Variants in PPP1R16B observed in about 807,000 individuals in gnomAD.
PPP1R16B encodes the protein protein phosphatase 1 regulatory inhibitor subunit 16B.
Under a neutral mutation model 61.7 loss-of-function variants are expected in PPP1R16B, and 14 were observed. The ratio of observed to expected loss-of-function variants is 0.23; its 90% CI spans 0.15 to 0.35. The LOEUF is 0.35. Among genes scored for constraint, PPP1R16B ranks in the 10% least tolerant of loss-of-function variants. PPP1R16B has a pLI of 1.00. For missense variants in PPP1R16B, 547 were observed against 752.5 expected (o/e 0.73, Z 3.19); for synonymous variants, 266 against 305.3 (o/e 0.87, Z 1.34).
rs1181903301 is a variant in PPP1R16B at position 38,888,876 on chromosome 20, AACACACACACACACACACAC to A, written c.251-686_251-667del. Among the ~76,000 whole-genome samples, 97 of 112,300 alleles carry A rather than the reference AACACACACACACACACACAC, an allele frequency of 8.6e-4. 1 individual carries two copies. Among genetic ancestry groups the A allele is most frequent in the African/African-American group, 2.7e-3 (75 of 28,062 alleles). The allele number at this position is 112,300 out of a possible 152,430, so 73.7% of individuals were successfully genotyped here. The stretch of plus-strand genomic sequence containing the variant: ...CCTCCCTGCCCACCCAGAATCCCTG[AACACACACACACACACACAC>A]ACACACACACACACACACACACACA... On this transcript the variant is annotated intron_variant, in intron 2 of 10. Transcript: ENST00000299824.
chr20:38,863,473 C>G (rs1338995543), intron 2 of PPP1R16B, among the ~76,000 whole-genome samples: 1 of 152,236 alleles, frequency 6.6e-6, no homozygotes, highest in Non-Finnish European at 1.5e-5. Context: ...GTGTCTGTCT[C>G]CCCGTAGCCT....
At chr20:38,910,086 C>A (rs901288318) in intron 10 of PPP1R16B, among the ~76,000 whole-genome samples, 1 of 152,056 alleles carries the variant, frequency 6.6e-6, no homozygotes, top group Non-Finnish European at 1.5e-5. Context: ...TCAAGCGATT[C>A]TCTTGCCTCA....
At chr20:38,885,896 C>T (rs1249355343) in intron 2 of PPP1R16B, among the ~76,000 whole-genome samples, 1 of 152,230 alleles carries the variant, frequency 6.6e-6, no homozygotes, top group Non-Finnish European at 1.5e-5. Flanking sequence ...CTGCCTCAGC[C>T]TCCTGAGTAG....
rs369519337 is a variant in PPP1R16B, at chr20:38,911,561, G to T, written c.1194+3368G>T. On this transcript the variant is annotated intron_variant, in intron 10 of 10. Coordinates refer to ENST00000299824, the MANE Select transcript of PPP1R16B (RefSeq NM_015568.4). ...TTTTTTTTTTTTTTAAATTGAGACAGAGTCTCGCTTTGTCACCCAAGCTAG... is the reference window on the plus strand; with the variant it reads ...TTTTTTTTTTTTTTAAATTGAGACATAGTCTCGCTTTGTCACCCAAGCTAG... Among the ~76,000 whole-genome samples, 12 of 147,684 alleles carry T rather than the reference G, an allele frequency of 8.1e-5. 1 individual carries two copies. The Admixed American group carries it at 8.2e-4, about 10-fold the overall frequency.
intron 2 of PPP1R16B, among the ~76,000 whole-genome samples, chr20:38,886,572 C>G (rs2085246615): frequency 6.6e-6 from 1 of 152,214 alleles, no homozygotes; most frequent in South Asian, 2.1e-4. Context: ...GCTCAGGGCA[C>G]CCCCACTCAC....
intron 2 of PPP1R16B, among the ~76,000 whole-genome samples, chr20:38,855,930 A>ATATATG (rs2085002685): frequency 1.6e-5 from 1 of 64,232 alleles, no homozygotes; most frequent in Non-Finnish European, 2.8e-5. Context: ...ATATATATAT[A>ATATATG]TATATATATA....
At chr20:38,817,093 A>C (rs2084740587) in intron 1 of PPP1R16B, among the ~76,000 whole-genome samples, 1 of 152,228 alleles carries the variant, frequency 6.6e-6, no homozygotes, top group Non-Finnish European at 1.5e-5. Context: ...AAAGGTGAAC[A>C]ATACATATCC....
intron 2 of PPP1R16B, among the ~76,000 whole-genome samples, chr20:38,842,707 G>A (rs968133778): frequency 6.6e-5 from 10 of 151,896 alleles, no homozygotes; most frequent in African/African-American, 2.4e-4. Context: ...CCACCCCCAG[G>A]CACAGTGCTG....
intron 6 of PPP1R16B, among the ~76,000 whole-genome samples, chr20:38,904,857 C>G (rs1243001375): frequency 6.6e-6 from 1 of 152,212 alleles, no homozygotes; most frequent in Non-Finnish European, 1.5e-5. Flanking sequence ...TCACTTCTAT[C>G]TCTCATCTTG....
chr20:38,847,590 C>G (rs1175263322), intron 2 of PPP1R16B, among the ~76,000 whole-genome samples: 1 of 152,210 alleles, frequency 6.6e-6, no homozygotes, highest in African/African-American at 2.4e-5. Context: ...CTCCTGACCT[C>G]AGGTGATCTG....
chr20:38,889,870 G>A (rs1262543721), intron 3 of PPP1R16B, among the ~76,000 whole-genome samples: 2 of 152,236 alleles, frequency 1.3e-5, no homozygotes, highest in African/African-American at 4.8e-5. Flanking sequence ...CCCTGTGTGC[G>A]CCCGCAGACG....
intron 10 of PPP1R16B, among the ~76,000 whole-genome samples, chr20:38,911,165 C>T (rs1384009530): frequency 4.2e-5 from 6 of 144,070 alleles, no homozygotes; most frequent in Non-Finnish European, 9.1e-5. Context: ...TTTTTTTTTT[C>T]TTTTTCTTTT....
At chr20:38,814,012 G>A (rs761632738) in intron 1 of PPP1R16B, among the ~76,000 whole-genome samples, 1 of 151,984 alleles carries the variant, frequency 6.6e-6, no homozygotes, top group Admixed American at 6.6e-5. Flanking sequence ...GGCCAGGCTG[G>A]TCTCAAACTC....
At position 38,918,174 on chromosome 20, in the gene PPP1R16B, G is replaced by T; in HGVS notation, c.1212G>T (p.Lys404Asn). Residue 404 changes from lysine to asparagine, a missense_variant, in exon 11 of 11, where the codon AAG (lysine) becomes AAT (asparagine). By Grantham distance (94) the Lys-to-Asn change is moderately conservative (BLOSUM62 0). Coordinates refer to ENST00000299824, the MANE Select transcript of PPP1R16B (RefSeq NM_015568.4). The surrounding 1 kb of genome is among the most constrained non-coding windows in gnomAD (Gnocchi z 5.3). ...ACTCGCAGAACCCCAGGCTGGAGAA[G>T]CCCGTGCTACTCTCCGAATTTCCTA... The part of the protein sequence containing the change: ...ENKDPNPRLE[K>N]PVLLSEFPTK... 1 of 1,614,102 alleles carries T rather than the reference G, an allele frequency of 6.2e-7. No homozygotes were observed. Among genetic ancestry groups the T allele is most frequent in the Non-Finnish European group, 8.5e-7 (1 of 1,179,910 alleles).
At chr20:38,895,816 T>TCTTTCTTCCCTCCCTC in intron 4 of PPP1R16B, 106 bp downstream of exon 4, 1 of 564,886 alleles carries the variant, frequency 1.8e-6, no homozygotes, top group Middle Eastern at 6.3e-4. Context: ...TCTCCTCCCT[T>TCTTTCTTCCCTCCCTC]CCTCCTTCCT....
chr20:38,887,186 C>G (rs974495362), intron 2 of PPP1R16B, among the ~76,000 whole-genome samples: 1 of 152,156 alleles, frequency 6.6e-6, no homozygotes, highest in Non-Finnish European at 1.5e-5. Context: ...TATGCAAAAT[C>G]TCAGAGGCCA....
At chr20:38,893,601 A>G (rs1346550550) in intron 3 of PPP1R16B, among the ~76,000 whole-genome samples, 1 of 151,806 alleles carries the variant, frequency 6.6e-6, no homozygotes, top group Non-Finnish European at 1.5e-5. Flanking sequence ...AGGAGGCGGG[A>G]GGAGGCGGCT....
intron 1 of PPP1R16B, among the ~76,000 whole-genome samples, chr20:38,818,349 G>A (rs867944769): frequency 2.6e-5 from 4 of 152,264 alleles, no homozygotes; most frequent in Middle Eastern, 3.4e-3. Context: ...AGTCCTGTTC[G>A]GTGCAGCTGG....
rs1181903301 is a variant in PPP1R16B at position 38,888,876 on chromosome 20, AACACACACACACACACAC to A, written c.251-684_251-667del. On this transcript the variant is annotated intron_variant, in intron 2 of 10. Transcript: ENST00000299824. The stretch of plus-strand genomic sequence containing the variant: ...CCTCCCTGCCCACCCAGAATCCCTG[AACACACACACACACACAC>A]ACACACACACACACACACACACACA... 2.6e-3 allele frequency among the ~76,000 whole-genome samples: 287 copies of A among 112,300 alleles called. 2 individuals carry two copies. Among genetic ancestry groups the A allele is most frequent in the African/African-American group, 7.9e-3 (221 of 28,064 alleles). 73.7% of individuals were successfully genotyped at this position (112,300 alleles called of 152,430 possible). A position where few individuals can be genotyped will look rare whatever the true frequency, so the allele number is the denominator to read the frequency against.
Sources: allele counts gnomAD v4.1 joint callset (sites outside exome capture counted in the v4.1 genomes callset), GRCh38; gene constraint gnomAD v4.1.1; non-coding constraint Gnocchi (gnomAD v3.1); transcripts MANE v1.5; gene names NCBI Gene and HGNC (gene_info 2026-07-23, HGNC 2026-07-21).